Variants in SPINT2 observed in about 807,000 individuals in gnomAD.
SPINT2 encodes the protein serine peptidase inhibitor, Kunitz type 2.
SPINT2 carries 18 observed loss-of-function variants against 30.1 expected under a neutral mutation model. That is an observed-to-expected ratio of 0.60 (90% CI 0.41 to 0.89). The LOEUF (loss-of-function observed/expected upper bound fraction) is 0.89. SPINT2 is among the 40% of genes least tolerant of loss of function. The pLI, the probability that SPINT2 is intolerant of heterozygous loss-of-function variation, is 0.00. For missense variants in SPINT2, 276 were observed against 334.3 expected, an observed-to-expected ratio of 0.83 and a Z score of 1.36; for synonymous variants, 139 against 137.9, an observed-to-expected ratio of 1.01 and a Z score of -0.05.
intron 1 of SPINT2, among the ~76,000 whole-genome samples, chr19:38,269,889 G>T (rs534543354): frequency 6.6e-5 from 10 of 151,876 alleles, no homozygotes; most frequent in South Asian, 4.2e-4. Flanking sequence ...GATTACAGGC[G>T]TGAGCCACCG....
Position 38,264,694 on chromosome 19 carries a change from C to G in SPINT2, c.-199C>G. 1.7e-6 allele frequency: 1 copy of G among 588,290 alleles called. No individual in the cohort carries two copies. The highest frequency in any genetic ancestry group is 3.0e-6 in the Non-Finnish European group (1 of 335,144). The allele number at this position is 588,290 out of a possible 1,614,324, so 36.4% of individuals were successfully genotyped here. On this transcript the variant is annotated 5_prime_UTR_variant, in exon 1 of 7. Coordinates refer to ENST00000301244, the MANE Select transcript of SPINT2 (RefSeq NM_021102.4). ...GAGGAGCAGACCCAGGCATCGCGCG[C>G]CGAGAAGGCCGGGCGTCCCCACACT...
At chr19:38,280,549 G>C (rs1348385879) in intron 1 of SPINT2, among the ~76,000 whole-genome samples, 1 of 152,186 alleles carries the variant, frequency 6.6e-6, no homozygotes, top group Non-Finnish European at 1.5e-5. Context: ...GCACTGGCAA[G>C]AGTGCATGTC....
At chr19:38,267,959 A>T (rs1968400065) in intron 1 of SPINT2, among the ~76,000 whole-genome samples, 1 of 152,092 alleles carries the variant, frequency 6.6e-6, no homozygotes, top group South Asian at 2.1e-4. Context: ...GGGCCCCAGG[A>T]GGTGTGCCCT....
chr19:38,268,762 C>CGTGTGT (rs35138811), intron 1 of SPINT2, among the ~76,000 whole-genome samples: 62 of 127,868 alleles, frequency 4.8e-4, no homozygotes, highest in East Asian at 8.0e-4. Context: ...AGCATGCGCG[C>CGTGTGT]GCGCGTGTGT....
In SPINT2 at chr19:38,292,364, A is replaced by G. The variant is rs1600354939; in HGVS notation, c.*358A>G. ...TGTCTGATTTATGGTTTTTTTAAGTATAAACAAAAGTTTTTTATTAGCATT... is the reference window on the plus strand; with the variant it reads ...TGTCTGATTTATGGTTTTTTTAAGTGTAAACAAAAGTTTTTTATTAGCATT... On this transcript the variant is annotated 3_prime_UTR_variant, in exon 7 of 7. Transcript: ENST00000301244. 1.1e-5 allele frequency: 2 copies of G among 177,810 alleles called. No homozygotes were observed. The highest frequency in any genetic ancestry group is 2.9e-4 in the East Asian group (2 of 6,908). The allele number at this position is 177,810 out of a possible 1,614,324, so 11.0% of individuals were successfully genotyped here.
intron 1 of SPINT2, among the ~76,000 whole-genome samples, chr19:38,269,629 G>A (rs1012853712): frequency 1.6e-5 from 2 of 127,616 alleles, no homozygotes; most frequent in Admixed American, 1.7e-4. Flanking sequence ...TTTTTTTTGA[G>A]ACGGAGTGTC....
rs868783152 is a variant in SPINT2, at chr19:38,292,545, C to A, written c.*539C>A. On this transcript the variant is annotated 3_prime_UTR_variant, in exon 7 of 7. Transcript: ENST00000301244. Reference sequence around the variant, plus strand: ...TGAGGTGTCCCATTCTAGAAATAGACCCCTCAAAATAGCGTCTTTCAGATC... The same window carrying A: ...TGAGGTGTCCCATTCTAGAAATAGAACCCTCAAAATAGCGTCTTTCAGATC... The A allele has an allele frequency of 6.5e-6, 1 of 153,692 alleles. No individual in the cohort carries two copies. The highest frequency in any genetic ancestry group is 2.4e-5 in the African/African-American group (1 of 41,450). The allele number at this position is 153,692 out of a possible 1,614,324, so 9.5% of individuals were successfully genotyped here.
In SPINT2 at chr19:38,270,527, G is replaced by A. The variant is rs535404243; in HGVS notation, c.106+5529G>A. On this transcript the variant is annotated intron_variant, in intron 1 of 6. Transcript: ENST00000301244. ...ATGAACAGATGAATGTATGTCTGGT[G>A]ATGAGTGTCAGGGTTGGTGTGCTTA... Among the ~76,000 whole-genome samples, 3 of 152,348 alleles carry A rather than the reference G, an allele frequency of 2.0e-5. No homozygotes were observed. In the South Asian group the frequency reaches 6.2e-4, roughly 32 times the overall value.
intron 1 of SPINT2, among the ~76,000 whole-genome samples, chr19:38,275,576 T>C (rs1968506942): frequency 6.6e-6 from 1 of 152,022 alleles, no homozygotes. Flanking sequence ...AGCCACTGTA[T>C]CTGGCCAAAA....
chr19:38,277,608 A>G (rs1378387423), intron 1 of SPINT2, among the ~76,000 whole-genome samples: 1 of 152,202 alleles, frequency 6.6e-6, no homozygotes, highest in Non-Finnish European at 1.5e-5. Flanking sequence ...AGCAGACTGT[A>G]GATTGTTGTC....
chr19:38,274,533 T>C (rs926819062), intron 1 of SPINT2, among the ~76,000 whole-genome samples: 1 of 151,708 alleles, frequency 6.6e-6, no homozygotes, highest in Non-Finnish European at 1.5e-5. Flanking sequence ...TGTTCTGCAG[T>C]GTTTTTCGCT....
At chr19:38,269,662 G>A (rs1968426356) in intron 1 of SPINT2, among the ~76,000 whole-genome samples, 1 of 148,614 alleles carries the variant, frequency 6.7e-6, no homozygotes, top group African/African-American at 2.5e-5. Context: ...CCAGGCCGGA[G>A]TGCAGTGGCG....
At chr19:38,288,264 C>A (rs1432194595) in intron 3 of SPINT2, 3 of 435,836 alleles carry the variant, frequency 6.9e-6, no homozygotes, top group Non-Finnish European at 1.3e-5. Flanking sequence ...GCTCTGCTGA[C>A]CCCACTCCCC....
At position 38,292,155 on chromosome 19, in the gene SPINT2, G is replaced by A. The variant is rs1011965056; in HGVS notation, c.*149G>A. 2 of 1,169,474 alleles carry A rather than the reference G, an allele frequency of 1.7e-6. No homozygotes were observed. Among genetic ancestry groups the A allele is most frequent in the Non-Finnish European group, 2.4e-6 (2 of 827,686 alleles). 72.4% of individuals were successfully genotyped at this position (1,169,474 alleles called of 1,614,324 possible). A position where few individuals can be genotyped will look rare whatever the true frequency, so the allele number is the denominator to read the frequency against. On this transcript the variant is annotated 3_prime_UTR_variant, in exon 7 of 7. Coordinates refer to ENST00000301244, the MANE Select transcript of SPINT2 (RefSeq NM_021102.4). The stretch of plus-strand genomic sequence containing the variant: ...GACGGCTGCTTCCTGGTCTGGCAGG[G>A]ATGGGTTTGCTTTGGAAATCCTCTA...
chr19:38,280,616 T>C (rs1004290415), intron 1 of SPINT2, among the ~76,000 whole-genome samples: 1 of 152,158 alleles, frequency 6.6e-6, no homozygotes, highest in African/African-American at 2.4e-5. Flanking sequence ...CCAAGGTAAC[T>C]GCCATCCATC....
At chr19:38,286,789 A>G (rs1369419363) in intron 2 of SPINT2, among the ~76,000 whole-genome samples, 2 of 152,064 alleles carry the variant, frequency 1.3e-5, no homozygotes, top group Non-Finnish European at 2.9e-5. Flanking sequence ...TTTCAAAACG[A>G]AAAATTTGTC....
chr19:38,267,664 G>T (rs1193848116), intron 1 of SPINT2, among the ~76,000 whole-genome samples: 1 of 152,000 alleles, frequency 6.6e-6, no homozygotes, highest in African/African-American at 2.4e-5. Context: ...GGGCGAGGGT[G>T]GGAGGAGATC....
chr19:38,269,479 C>T (rs1024164014), intron 1 of SPINT2, among the ~76,000 whole-genome samples: 1 of 145,014 alleles, frequency 6.9e-6, no homozygotes, highest in African/African-American at 2.6e-5. Flanking sequence ...CATCTTGGCT[C>T]ATTGCAGCCT....
At chr19:38,291,655 C>G in intron 6 of SPINT2, 185 bp from the exon 7 acceptor site, 1 of 698,166 alleles carries the variant, frequency 1.4e-6, no homozygotes, top group Non-Finnish European at 2.3e-6. Context: ...TTGGGGGACT[C>G]TCCTTGGTGG....
Sources: gnomAD v4.1 joint callset for allele counts (sites outside exome capture counted in the v4.1 genomes callset) on GRCh38, gnomAD v4.1.1 for gene constraint, MANE v1.5 for transcripts, NCBI Gene and HGNC (gene_info 2026-07-23, HGNC 2026-07-21) for gene names.